The following NXNL2 variants were observed in gnomAD, a reference collection of about 807,000 sequenced individuals.
NXNL2 encodes the protein nucleoredoxin-like protein 2.
Under a neutral mutation model 11.1 loss-of-function variants are expected in NXNL2, and 7 were observed. The ratio of observed to expected loss-of-function variants is 0.63; its 90% CI spans 0.36 to 1.18. The LOEUF (loss-of-function observed/expected upper bound fraction) is 1.18. Ranked by LOEUF, NXNL2 falls within the 50% of genes most tolerant of loss-of-function variation. The pLI is 0.02. For missense variants in NXNL2, 233 were observed against 217.7 expected (o/e 1.07, Z -0.44); for synonymous variants, 109 against 101.8 (o/e 1.07, Z -0.42).
chr9:88,554,087 A>G (rs1334431399), intron 1 of NXNL2, among the ~76,000 whole-genome samples: 1 of 152,168 alleles, frequency 6.6e-6, no homozygotes, highest in Non-Finnish European at 1.5e-5. Context: ...ATGGTATATG[A>G]TGAGGTGGTG....
intron 1 of NXNL2, among the ~76,000 whole-genome samples, chr9:88,552,660 G>A (rs376635766): frequency 5.9e-5 from 9 of 151,870 alleles, no homozygotes; most frequent in African/African-American, 1.7e-4. Flanking sequence ...TAGTAGAGAC[G>A]GGATTTCACC....
At position 88,535,835 on chromosome 9, in the gene NXNL2, C is replaced by CCT. The variant is rs1554703886; in HGVS notation, c.302+100_302+101insTC. On this transcript the variant is annotated intron_variant, in intron 1 of 1. Coordinates refer to ENST00000375854, the MANE Select transcript of NXNL2 (RefSeq NM_001161625.2). The stretch of plus-strand genomic sequence containing the variant: ...CACTGGGGAGCTCTTTATGACGCCC[C>CCT]CCCCCAACACCTCCCCGTCTCTCGG... The CCT allele has an allele frequency of 5.7e-6, 5 of 876,152 alleles. No homozygotes were observed. The African/African-American group carries it at 8.6e-5, about 15-fold the overall frequency. 54.3% of individuals were successfully genotyped at this position (876,152 alleles called of 1,614,324 possible).
rs377398458 is a variant in NXNL2 at position 88,556,376 on chromosome 9, G to A, written c.303-14711G>A. ...GAAGAATGAGGTTACATGGACAAGC[G>A]GAGAGTCAGCAAGGCAGAGAAGAGT... On this transcript the variant is annotated intron_variant, in intron 1 of 2. Coordinates refer to the NXNL2 transcript ENST00000375855. Among the ~76,000 whole-genome samples, 89 of 152,268 alleles carry A rather than the reference G, an allele frequency of 5.8e-4. 2 individuals carry two copies. The South Asian group carries it at 0.017, about 28-fold the overall frequency.
At chr9:88,542,445 T>C (rs1346653900) in intron 1 of NXNL2, among the ~76,000 whole-genome samples, 2 of 151,532 alleles carry the variant, frequency 1.3e-5, no homozygotes, top group African/African-American at 4.8e-5. Flanking sequence ...CGTGCCACCA[T>C]GCCCGGCTAA....
chr9:88,577,366 T>G (rs1389702071), downstream of NXNL2, among the ~76,000 whole-genome samples: 1 of 152,028 alleles, frequency 6.6e-6, no homozygotes, highest in East Asian at 1.9e-4. Context: ...AGAACAGCCC[T>G]GCACAGACAA....
downstream of NXNL2, among the ~76,000 whole-genome samples, chr9:88,576,079 C>A (rs1302120492): frequency 1.3e-5 from 2 of 152,126 alleles, no homozygotes; most frequent in Non-Finnish European, 2.9e-5. Context: ...CCTGTAATCC[C>A]AGCTACTTGG....
intron 1 of NXNL2, among the ~76,000 whole-genome samples, chr9:88,580,923 C>T (rs1045225503): frequency 7.9e-5 from 12 of 152,130 alleles, no homozygotes; most frequent in African/African-American, 2.7e-4. Flanking sequence ...TTTTGTGGCA[C>T]GTTCCTCCTG....
intron 1 of NXNL2, among the ~76,000 whole-genome samples, chr9:88,560,380 T>G (rs1030232940): frequency 2.0e-5 from 3 of 151,868 alleles, no homozygotes. Flanking sequence ...AAGGAGATGC[T>G]AAACCTCACT....
At chr9:88,556,978 G>A (rs1564072043) in intron 1 of NXNL2, among the ~76,000 whole-genome samples, 1 of 151,244 alleles carries the variant, frequency 6.6e-6, no homozygotes, top group East Asian at 2.0e-4. Flanking sequence ...CTACTCAGGA[G>A]GCTGAGACAG....
chr9:88,569,661 A>G (rs984454213), intron 1 of NXNL2, among the ~76,000 whole-genome samples: 1 of 151,604 alleles, frequency 6.6e-6, no homozygotes, highest in African/African-American at 2.4e-5. Context: ...TAAAATTTTA[A>G]TCAGGAATTC....
chr9:88,560,455 G>A (rs1309050498), intron 1 of NXNL2, among the ~76,000 whole-genome samples: 1 of 152,046 alleles, frequency 6.6e-6, no homozygotes, highest in Non-Finnish European at 1.5e-5. Flanking sequence ...GTCCACCAAA[G>A]CAAAGATCCA....
At chr9:88,566,242 A>G (rs1487264416) in intron 1 of NXNL2, among the ~76,000 whole-genome samples, 1 of 151,494 alleles carries the variant, frequency 6.6e-6, no homozygotes, top group Non-Finnish European at 1.5e-5. Flanking sequence ...TTTTAGTGCC[A>G]GATCCATTAA....
chr9:88,535,733 G>A lies in NXNL2; in HGVS notation c.299G>A (p.Arg100Gln), dbSNP rs1587837626. 6 of 1,568,054 alleles carry A rather than the reference G, an allele frequency of 3.8e-6. No homozygotes were observed. The highest frequency in any genetic ancestry group is 2.7e-5 in the African/African-American group (2 of 73,740). The change falls in exon 1 of 2, where the codon CGG becomes CAG. Residue 100 changes from arginine to glutamine, a missense_variant. Arg to Gln is a conservative substitution (Grantham distance 43). Transcript: ENST00000375854. ...WLALPFHDPY[R>Q]HELRKRYNVT... The stretch of plus-strand genomic sequence containing the variant: ...GCGCTGCCCTTCCACGACCCCTACC[G>A]GCAGTGAGTGGGGGTCCTGGGGGGG...
chr9:88,563,020 G>A (rs183609739), intron 1 of NXNL2, among the ~76,000 whole-genome samples: 34 of 152,120 alleles, frequency 2.2e-4, no homozygotes, highest in African/African-American at 8.2e-4. Context: ...CCCAGGAGGT[G>A]GAGGTTGCAG....
intron 2 of NXNL2, among the ~76,000 whole-genome samples, chr9:88,572,510 G>A (rs1252953715): frequency 1.3e-5 from 2 of 152,188 alleles, no homozygotes; most frequent in African/African-American, 4.8e-5. Flanking sequence ...CACATGTGAC[G>A]AATGACGGGC....
chr9:88,561,587 C>A (rs367793592), intron 1 of NXNL2, among the ~76,000 whole-genome samples: 1 of 151,986 alleles, frequency 6.6e-6, no homozygotes, highest in Non-Finnish European at 1.5e-5. Flanking sequence ...ACAATAAAAG[C>A]CTTAGAGTGA....
chr9:88,544,892 A>G lies in NXNL2; in HGVS notation c.*345A>G. 1 of 999,188 alleles carries G rather than the reference A, an allele frequency of 1.0e-6. No homozygotes were observed. Among genetic ancestry groups the G allele is most frequent in the Non-Finnish European group, 1.2e-6 (1 of 837,378 alleles). 61.9% of individuals were successfully genotyped at this position (999,188 alleles called of 1,614,324 possible). On this transcript the variant is annotated 3_prime_UTR_variant, in exon 2 of 2. Transcript: ENST00000375854. ...TTCAGGTAAAATAATATATTTATTG[A>G]TAACATTTTCTGGCGATCTGTTTAT...
At position 88,557,006 on chromosome 9, in the gene NXNL2, G is replaced by A. The variant is rs943872212; in HGVS notation, c.303-14081G>A. ...TGAGACAGGAGAATCGCTTGAACCC[G>A]GGAGGCGGAGGTTGCAGTGAGCCAA... On this transcript the variant is annotated intron_variant, in intron 1 of 2. Transcript: ENST00000375855. Among the ~76,000 whole-genome samples, 9 of 150,146 alleles carry A rather than the reference G, an allele frequency of 6.0e-5. No homozygotes were observed. In the East Asian group the frequency reaches 9.8e-4, roughly 16 times the overall value.
At chr9:88,567,480 A>G (rs967855244) in intron 1 of NXNL2, among the ~76,000 whole-genome samples, 1 of 152,158 alleles carries the variant, frequency 6.6e-6, no homozygotes, top group African/African-American at 2.4e-5. Context: ...AAGTGGGTAT[A>G]CTATAATTTA....
Sources: allele counts gnomAD v4.1 joint callset (sites outside exome capture counted in the v4.1 genomes callset), GRCh38; gene constraint gnomAD v4.1.1; transcripts MANE v1.5; gene names NCBI Gene and HGNC (gene_info 2026-07-23, HGNC 2026-07-21).